Variants in NECTIN2 observed in about 807,000 individuals in gnomAD.
The protein encoded by NECTIN2 is nectin cell adhesion molecule 2.
A neutral mutation model predicts 56.9 loss-of-function variants in NECTIN2; 23 were observed. The ratio of observed to expected loss-of-function variants is 0.40; its 90% confidence interval spans 0.29 to 0.57. The LOEUF is 0.57. Ranked by LOEUF, NECTIN2 falls within the 20% of genes least tolerant of loss-of-function variation. NECTIN2 has a pLI of 0.38. For missense variants in NECTIN2, 587 were observed against 718.3 expected (o/e 0.82, Z 2.09); for synonymous variants, 302 against 313.8 (o/e 0.96, Z 0.40).
intron 6 of NECTIN2, among the ~76,000 whole-genome samples, chr19:44,883,777 A>C (rs283808): frequency 0.14 from 20,628 of 152,032 alleles, 2,622 homozygotes; most frequent in African/African-American, 0.33. Flanking sequence ...ATGAGCTATG[A>C]TCATGCCACT....
At position 44,874,719 on chromosome 19, in the gene NECTIN2, G is replaced by C; in HGVS notation, c.1042+241G>C. The C allele has an allele frequency of 1.9e-6, 1 of 519,630 alleles. No homozygotes were observed. Among genetic ancestry groups the C allele is most frequent in the Non-Finnish European group, 3.5e-6 (1 of 287,698 alleles). The allele number at this position is 519,630 out of a possible 1,614,324, so 32.2% of individuals were successfully genotyped here. On this transcript the variant is annotated intron_variant, in intron 5 of 8. Transcript: ENST00000252483. This position sits in a 1 kb window ranked among gnomAD's most constrained non-coding sequence, Gnocchi z 6.3. ...TGGGGGGTTGAGGACTTTGCTCGGGGTTCCTAGAAAGTAGAGGCCTGGGTA... is the reference window on the plus strand; with the variant it reads ...TGGGGGGTTGAGGACTTTGCTCGGGCTTCCTAGAAAGTAGAGGCCTGGGTA...
intron 2 of NECTIN2, among the ~76,000 whole-genome samples, chr19:44,869,128 C>T (rs940814807): frequency 3.3e-5 from 5 of 151,988 alleles, no homozygotes; most frequent in African/African-American, 1.2e-4. Context: ...TCTTCTCCTC[C>T]CCACCCTCAC....
intron 1 of NECTIN2, among the ~76,000 whole-genome samples, chr19:44,848,275 G>T (rs1168791094): frequency 6.6e-6 from 1 of 152,148 alleles, no homozygotes; most frequent in Non-Finnish European, 1.5e-5. Flanking sequence ...TTAGCTTGGT[G>T]CATGATCTCA....
chr19:44,854,863 C>T (rs1478486570), intron 1 of NECTIN2, among the ~76,000 whole-genome samples: 1 of 151,344 alleles, frequency 6.6e-6, no homozygotes. Flanking sequence ...CGGTGGCTCA[C>T]GCCTGTAATC....
chr19:44,884,610 G>A (rs978089038), intron 6 of NECTIN2, among the ~76,000 whole-genome samples: 3 of 152,184 alleles, frequency 2.0e-5, no homozygotes, highest in African/African-American at 4.8e-5. Flanking sequence ...TGTCCGAGAC[G>A]GCCTGGAGCT....
chr19:44,881,833 C>T (rs1969311315), intron 5 of NECTIN2, among the ~76,000 whole-genome samples: 1 of 152,186 alleles, frequency 6.6e-6, no homozygotes, highest in South Asian at 2.1e-4. Context: ...TAGAGGCCCT[C>T]CCACTACCTT....
At chr19:44,862,735 C>A (rs1969047885) in intron 1 of NECTIN2, among the ~76,000 whole-genome samples, 1 of 152,158 alleles carries the variant, frequency 6.6e-6, no homozygotes. Flanking sequence ...CTGTTGGAGG[C>A]TGGGCACAGT....
intron 5 of NECTIN2, among the ~76,000 whole-genome samples, chr19:44,876,536 C>G (rs962044440): frequency 4.6e-5 from 7 of 152,130 alleles, no homozygotes; most frequent in Non-Finnish European, 8.8e-5. Flanking sequence ...CTAGAAATCC[C>G]GTCTCAAGCA....
At chr19:44,860,049 G>A (rs971247120) in intron 1 of NECTIN2, among the ~76,000 whole-genome samples, 6 of 152,182 alleles carry the variant, frequency 3.9e-5, no homozygotes, top group Non-Finnish European at 7.3e-5. Context: ...GCGCCGACAC[G>A]TGTTACAGAT....
In NECTIN2 at chr19:44,882,265, TCGC is replaced by T; in HGVS notation, c.1102_1104del (p.Ala368del). 1 of 1,558,338 alleles carries T rather than the reference TCGC, an allele frequency of 6.4e-7. No individual in the cohort carries two copies. The highest frequency in any genetic ancestry group is 8.7e-7 in the Non-Finnish European group (1 of 1,151,542). On this transcript the variant is annotated inframe_deletion, in exon 6 of 9. Coordinates refer to ENST00000252483, the MANE Select transcript of NECTIN2 (RefSeq NM_001042724.2). ...ACAGGCGGCATCATCGGGGGCATCA[TCGC>T]CGCCATCATTGCTACTGCTGTGGCT...
chr19:44,850,280 C>CAG (rs1291328356), intron 1 of NECTIN2, among the ~76,000 whole-genome samples: 1 of 152,022 alleles, frequency 6.6e-6, no homozygotes, highest in Non-Finnish European at 1.5e-5. Context: ...GAACTAGACA[C>CAG]AGAGAGAGAT....
At chr19:44,882,385 C>T (rs756476983) in intron 6 of NECTIN2, 21 bp downstream of exon 6, 366 of 1,368,658 alleles carry the variant, frequency 2.7e-4, no homozygotes, top group Non-Finnish European at 3.4e-4. Flanking sequence ...GGCCCTGAGA[C>T]GGGGATGGGA....
intron 1 of NECTIN2, among the ~76,000 whole-genome samples, chr19:44,850,787 T>G (rs57537848): frequency 0.44 from 66,749 of 151,974 alleles, 16,154 homozygotes; most frequent in Non-Finnish European, 0.53. Context: ...GCTGTGGGGG[T>G]TGGGCACTGT....
chr19:44,888,157 A>T lies in NECTIN2; in HGVS notation c.1395A>T (p.Gly465=). Reference sequence around the variant, plus strand: ...TGCCCACCTTGGAAGAACGGTCAGGACCCTTGCACCCTGGAGCCACAAGCC... The same window carrying T: ...TGCCCACCTTGGAAGAACGGTCAGGTCCCTTGCACCCTGGAGCCACAAGCC... The part of the protein sequence containing the change: ...HELPTLEERS[G]PLHPGATSLG... The change falls in exon 9 of 9, where the codon GGA becomes GGT. Residue 465 remains glycine, a synonymous_variant. Transcript: ENST00000252483. 1 of 1,613,980 alleles carries T rather than the reference A, an allele frequency of 6.2e-7. No homozygotes were observed. Among genetic ancestry groups the T allele is most frequent in the Non-Finnish European group, 8.5e-7 (1 of 1,179,990 alleles).
rs1359044152 is a variant in NECTIN2, at chr19:44,888,303, A to G, written c.1541A>G (p.Asp514Gly). The change falls in exon 9 of 9, where the codon GAT (aspartate) becomes GGT (glycine). Residue 514 changes from aspartate (D) to glycine (G), a missense_variant. Transcript: ENST00000252483. ...CTGGACAAGATCAACCCCATCTATG[A>G]TGCTCTGTCCTATAGCAGCCCCTCT... is the stretch of plus-strand genomic sequence containing the variant. ...EYLDKINPIY[D>G]ALSYSSPSDS... 2.5e-6 allele frequency: 4 copies of G among 1,613,796 alleles called. No homozygotes were observed. Among genetic ancestry groups the G allele is most frequent in the Non-Finnish European group, 3.4e-6 (4 of 1,179,890 alleles).
At position 44,872,153 on chromosome 19, in the gene NECTIN2, A is replaced by AGTGTATC; in HGVS notation, c.775+6_775+12dup. The AGTGTATC allele has an allele frequency of 1.2e-6, 2 of 1,610,788 alleles. No homozygotes were observed. The highest frequency in any genetic ancestry group is 8.5e-7 in the Non-Finnish European group (1 of 1,177,172). Reference sequence around the variant, plus strand: ...CCTGTGACCCTCTCTGTACGCTGTGAGTGTATCGGGGGTGACCCCTCCCCC... The same window carrying AGTGTATC: ...CCTGTGACCCTCTCTGTACGCTGTGAGTGTATCGTGTATCGGGGGTGACCCCTCCCCC... On this transcript the variant is annotated splice_donor_region_variant and intron_variant, in intron 3 of 8. Transcript: ENST00000252483.
At chr19:44,869,379 T>G (rs1032723407) in intron 2 of NECTIN2, among the ~76,000 whole-genome samples, 1 of 151,238 alleles carries the variant, frequency 6.6e-6, no homozygotes, top group East Asian at 2.0e-4. Context: ...GATCACGAGG[T>G]CAGGAGATTG....
chr19:44,878,264 T>TG (rs936538965), intron 5 of NECTIN2: 4 of 979,616 alleles, frequency 4.1e-6, no homozygotes, highest in Non-Finnish European at 4.7e-6. Flanking sequence ...CCCGCTGGTG[T>TG]GGGGGGCCGT....
chr19:44,884,290 T>C (rs1404977854), intron 6 of NECTIN2, among the ~76,000 whole-genome samples: 1 of 152,040 alleles, frequency 6.6e-6, no homozygotes, highest in Non-Finnish European at 1.5e-5. Flanking sequence ...GCCTCCCAAG[T>C]AAATGGGACC....
Sources: gnomAD v4.1 joint callset for allele counts (sites outside exome capture counted in the v4.1 genomes callset) on GRCh38, gnomAD v4.1.1 for gene constraint, Gnocchi (gnomAD v3.1) non-coding constraint, MANE v1.5 for transcripts, NCBI Gene and HGNC (gene_info 2026-07-23, HGNC 2026-07-21) for gene names.